The following ILF2 variants were observed in gnomAD, a reference collection of about 807,000 sequenced individuals.
ILF2 encodes the protein interleukin enhancer-binding factor 2.
Under a neutral mutation model 55.3 loss-of-function variants are expected in ILF2, and 9 were observed. The ratio of observed to expected loss-of-function variants is 0.16; its 90% CI spans 0.10 to 0.28. The LOEUF (loss-of-function observed/expected upper bound fraction) is 0.28. Ranked by LOEUF, ILF2 falls within the 10% of genes least tolerant of loss-of-function variation. The pLI, the probability that ILF2 is intolerant of heterozygous loss-of-function variation, is 1.00. For synonymous variants in ILF2, 151 were observed against 161.8 expected (o/e 0.93, Z 0.50); for missense variants, 266 against 474.9 (o/e 0.56, Z 4.09).
chr1:153,667,487 A>G (rs1669341789), intron 6 of ILF2, 68 bp downstream of exon 6: 2 of 1,145,340 alleles, frequency 1.7e-6, no homozygotes, highest in Admixed American at 1.7e-5. Context: ...TCAAAACAAA[A>G]AAAGATACCT....
At chr1:153,663,489 T>C (rs1200746980) in intron 10 of ILF2, among the ~76,000 whole-genome samples, 1 of 151,914 alleles carries the variant, frequency 6.6e-6, no homozygotes, top group Non-Finnish European at 1.5e-5. Flanking sequence ...CCACTACAAC[T>C]GGCTAATTTT....
At position 153,669,854 on chromosome 1, in the gene ILF2, G is replaced by T; in HGVS notation, c.90C>A (p.Ile30=). The change falls in exon 3 of 14, where the codon ATC becomes ATA. Residue 30 remains isoleucine (I), a synonymous_variant. Coordinates refer to ENST00000361891, the MANE Select transcript of ILF2 (RefSeq NM_004515.4). ...TACTCACCAAATAGAAGTCAAATGG[G>T]ATATGTGGTACAAAGGGCCTGAACC... is the stretch of plus-strand genomic sequence containing the variant. ...GGGFRPFVPH[I]PFDFYLCEMA... 1 of 1,612,966 alleles carries T rather than the reference G, an allele frequency of 6.2e-7. No individual in the cohort carries two copies. Among genetic ancestry groups the T allele is most frequent in the Non-Finnish European group, 8.5e-7 (1 of 1,178,988 alleles).
In ILF2 at chr1:153,665,251, G is replaced by A. The variant is rs1440958760; in HGVS notation, c.546C>T (p.Pro182=). ...GTTCTGGATCCAGTTTTCGAAGATT[G>A]GGTGGCACTGTTGTAATGAGAATCT... is the stretch of plus-strand genomic sequence containing the variant. ...TVKILITTVP[P]NLRKLDPELH... Residue 182 remains proline (P), a synonymous_variant, in exon 8 of 14, where the codon CCC becomes CCT. Coordinates refer to ENST00000361891, the MANE Select transcript of ILF2 (RefSeq NM_004515.4). 7.5e-6 allele frequency: 12 copies of A among 1,610,524 alleles called. No homozygotes were observed. The highest frequency in any genetic ancestry group is 1.0e-5 in the Non-Finnish European group (12 of 1,176,758).
chr1:153,663,967 A>G, intron 10 of ILF2, 76 bp downstream of exon 10: 1 of 670,042 alleles, frequency 1.5e-6, no homozygotes, highest in South Asian at 2.2e-5. Context: ...TACTACTACT[A>G]CTACTACTAC....
intron 6 of ILF2, chr1:153,667,343 T>C: frequency 1.7e-6 from 1 of 588,148 alleles, no homozygotes; most frequent in Non-Finnish European, 3.0e-6. Context: ...CTGGGTGTGG[T>C]AGCACACATC....
At chr1:153,667,942 G>T in intron 5 of ILF2, 58 bp downstream of exon 5, 1 of 1,224,388 alleles carries the variant, frequency 8.2e-7, no homozygotes, top group Non-Finnish European at 1.2e-6. Context: ...CAAGAGCCAA[G>T]GCAATTTCCA....
At chr1:153,668,597 A>G (rs1415784344) in intron 3 of ILF2, 40 bp from the exon 4 acceptor site, 5 of 1,589,970 alleles carry the variant, frequency 3.1e-6, no homozygotes, top group Admixed American at 3.6e-5. Context: ...TTTGCCGAAG[A>G]TAATATACAG....
chr1:153,663,131 C>T lies in ILF2; in HGVS notation c.809G>A (p.Arg270His), dbSNP rs760557835. Residue 270 changes from arginine (R) to histidine (H), a missense_variant and splice_region_variant, in exon 12 of 14, where the codon CGC becomes CAC. Coordinates refer to ENST00000361891, the MANE Select transcript of ILF2 (RefSeq NM_004515.4). ...TCCTGCAGCCAGAATCTGCAAGCAG[C>T]GCCTAGAACACAGGGAGGTATGAGG... ...QPLALNVAYR[R>H]CLQILAAGLF... 7 of 1,613,954 alleles carry T rather than the reference C, an allele frequency of 4.3e-6. No individual in the cohort carries two copies. The highest frequency in any genetic ancestry group is 1.6e-4 in the Middle Eastern group (1 of 6,084).
At chr1:153,666,456 G>A (rs1329090984) in intron 6 of ILF2, among the ~76,000 whole-genome samples, 1 of 152,172 alleles carries the variant, frequency 6.6e-6, no homozygotes, top group Non-Finnish European at 1.5e-5. Flanking sequence ...GTGAGCCACT[G>A]CACCCGGCCC....
intron 12 of ILF2, 107 bp from the exon 13 acceptor site, chr1:153,662,902 A>G: frequency 7.6e-7 from 1 of 1,320,420 alleles, no homozygotes; most frequent in South Asian, 1.2e-5. Context: ...CTCAGGACCA[A>G]AGTCTTTCAG....
At chr1:153,662,944 A>G in intron 12 of ILF2, 75 bp downstream of exon 12, 1 of 1,398,176 alleles carries the variant, frequency 7.2e-7, no homozygotes, top group Non-Finnish European at 1.0e-6. Context: ...TAAAGACCAT[A>G]TTCCGCTTTG....
chr1:153,663,990 T>C lies in ILF2; in HGVS notation c.744+53A>G, dbSNP rs1669243827. On this transcript the variant is annotated intron_variant, in intron 10 of 13. Coordinates refer to ENST00000361891, the MANE Select transcript of ILF2 (RefSeq NM_004515.4). ...CTACTACTACTACTACTACTACTAC[T>C]ACTACTAGTAAATAAGGATGATGAG... 9.7e-6 allele frequency: 8 copies of C among 828,626 alleles called. No homozygotes were observed. In the South Asian group the frequency reaches 1.1e-4, roughly 11 times the overall value. The allele number at this position is 828,626 out of a possible 1,614,324, so 51.3% of individuals were successfully genotyped here.
rs1473928853 is a variant in ILF2, at chr1:153,668,096, CAA to C, written c.214-21_214-20del. On this transcript the variant is annotated intron_variant, in intron 4 of 13. Coordinates refer to ENST00000361891, the MANE Select transcript of ILF2 (RefSeq NM_004515.4). ...TAGATGCCTGAAAAACAGTATGAAA[CAA>C]TACTTGAAAATGAAAAATTATAAGC... is the stretch of plus-strand genomic sequence containing the variant. 3 of 1,540,068 alleles carry C rather than the reference CAA, an allele frequency of 1.9e-6. No individual in the cohort carries two copies. Among genetic ancestry groups the C allele is most frequent in the South Asian group, 1.2e-5 (1 of 85,282 alleles).
intron 13 of ILF2, 47 bp downstream of exon 13, chr1:153,662,658 T>G (rs368285852): frequency 6.3e-7 from 1 of 1,586,066 alleles, no homozygotes; most frequent in Non-Finnish European, 8.7e-7. Flanking sequence ...ACAGCTTCTC[T>G]GTACCAGATT....
chr1:153,665,791 C>T, intron 6 of ILF2, 63 bp from the exon 7 acceptor site: 1 of 1,260,206 alleles, frequency 7.9e-7, no homozygotes, highest in South Asian at 1.3e-5. Flanking sequence ...CTATGTATCT[C>T]TAAGCTACTT....
At position 153,670,904 on chromosome 1, in the gene ILF2, T is replaced by C. The variant is rs1168597051; in HGVS notation, c.5+14A>G. 1 of 1,614,202 alleles carries C rather than the reference T, an allele frequency of 6.2e-7. No individual in the cohort carries two copies. The highest frequency in any genetic ancestry group is 1.7e-5 in the Admixed American group (1 of 60,026). On this transcript the variant is annotated intron_variant, in intron 1 of 13. Coordinates refer to ENST00000361891, the MANE Select transcript of ILF2 (RefSeq NM_004515.4). ...CGAATACCTGAAACCTTTCGACCGC[T>C]TCGACCCACTTACCTCATGGCGCCT...
Position 153,664,484 on chromosome 1 carries a change from C to T in ILF2, c.578-10G>A, listed in dbSNP as rs375189601. On this transcript the variant is annotated splice_polypyrimidine_tract_variant and intron_variant, in intron 8 of 13. Coordinates refer to ENST00000361891, the MANE Select transcript of ILF2 (RefSeq NM_004515.4). The stretch of plus-strand genomic sequence containing the variant: ...AATACTTTGATATCCACTAAAAAGA[C>T]AAGCATGATATGCCAGGATGAAACA... The T allele has an allele frequency of 1.4e-5, 22 of 1,603,512 alleles. No homozygotes were observed. The African/African-American group carries it at 2.0e-4, about 15-fold the overall frequency.
At chr1:153,663,996 T>TACC (rs527872479) in intron 10 of ILF2, 47 bp downstream of exon 10, 5,588 of 433,694 alleles carry the variant, frequency 0.013, 374 homozygotes, top group Admixed American at 0.02. Context: ...CTACTACTAC[T>TACC]AGTAAATAAG....
rs780139791 is a variant in ILF2 at position 153,664,431 on chromosome 1, A to G, written c.621T>C (p.His207=). 9.9e-6 allele frequency: 16 copies of G among 1,614,166 alleles called. No homozygotes were observed. The East Asian group carries it at 3.3e-4, about 34-fold the overall frequency. Reference sequence around the variant, plus strand: ...AAGCATTTTCCTCGAACCAGCGGGCATGTCGGATGGCTGCTAAGGCACTCT... The same window carrying G: ...AAGCATTTTCCTCGAACCAGCGGGCGTGTCGGATGGCTGCTAAGGCACTCT... ...VLQSALAAIR[H]ARWFEENASQ... The change falls in exon 9 of 14, where the codon CAT becomes CAC. Residue 207 remains histidine (H), a synonymous_variant. Transcript: ENST00000361891.
Sources: allele counts gnomAD v4.1 joint callset (sites outside exome capture counted in the v4.1 genomes callset), GRCh38; gene constraint gnomAD v4.1.1; transcripts MANE v1.5; gene names NCBI Gene and HGNC (gene_info 2026-07-23, HGNC 2026-07-21).